The following HSD17B12 variants were observed in gnomAD, a reference collection of about 807,000 sequenced individuals.
The protein encoded by HSD17B12 is very-long-chain 3-oxoacyl-CoA reductase.
Under a neutral mutation model 39.3 loss-of-function variants are expected in HSD17B12, and 32 were observed. The ratio of observed to expected loss-of-function variants is 0.81; its 90% CI spans 0.61 to 1.09. The LOEUF (loss-of-function observed/expected upper bound fraction) is 1.09, where lower values mean the gene tolerates loss of function less well. Ranked by LOEUF, HSD17B12 falls within the 50% of genes least tolerant of loss-of-function variation. The probability of loss-of-function intolerance (pLI) is 0.00; values close to 1 mark genes in which losing one functional copy is unlikely to be tolerated. For missense variants in HSD17B12, 342 were observed against 382.9 expected (o/e 0.89, Z 0.89); for synonymous variants, 150 against 146.7 (o/e 1.02, Z -0.16).
chr11:43,800,439 T>C (rs1235667199), intron 4 of HSD17B12, among the ~76,000 whole-genome samples: 2 of 152,218 alleles, frequency 1.3e-5, no homozygotes, highest in Non-Finnish European at 2.9e-5. Flanking sequence ...ATGGAAACTA[T>C]AGATGCTCTG....
the HSD17B12 span, among the ~76,000 whole-genome samples, chr11:43,593,799 A>C: frequency 1.4e-4 from 21 of 152,140 alleles, no homozygotes; most frequent in African/African-American, 5.1e-4. Flanking sequence ...ATATAAAAAG[A>C]AAAAGGAAAG....
chr11:43,842,106 G>A (rs1951432433), intron 9 of HSD17B12, among the ~76,000 whole-genome samples: 1 of 152,132 alleles, frequency 6.6e-6, no homozygotes, highest in Non-Finnish European at 1.5e-5. Flanking sequence ...ACTTGCTCCA[G>A]GCCTGTAAGT....
At chr11:43,613,402 A>C in the HSD17B12 span, among the ~76,000 whole-genome samples, 2 of 151,484 alleles carry the variant, frequency 1.3e-5, no homozygotes, top group African/African-American at 2.4e-5. Context: ...AAAAAAAAAA[A>C]CAACAAAACA....
At chr11:43,602,075 C>G in the HSD17B12 span, among the ~76,000 whole-genome samples, 1 of 152,176 alleles carries the variant, frequency 6.6e-6, no homozygotes, top group Non-Finnish European at 1.5e-5. Context: ...GAAGGAGTTT[C>G]CATGAGGCAA....
chr11:43,655,231 C>T, the HSD17B12 span, among the ~76,000 whole-genome samples: 1 of 152,132 alleles, frequency 6.6e-6, no homozygotes, highest in African/African-American at 2.4e-5. Context: ...TATAAGAATG[C>T]TTGTGATTTT....
intron 3 of HSD17B12, among the ~76,000 whole-genome samples, chr11:43,794,430 A>G (rs1004731381): frequency 1.3e-5 from 2 of 152,234 alleles, no homozygotes; most frequent in African/African-American, 4.8e-5. Context: ...ACAGGTGAGG[A>G]TAAGCAATAA....
chr11:43,838,530 A>G, intron 8 of HSD17B12, 132 bp downstream of exon 8: 1 of 669,678 alleles, frequency 1.5e-6, no homozygotes. Context: ...AAGAAAAGGA[A>G]AATACCCTAC....
At chr11:43,801,273 T>C (rs1259451325) in intron 4 of HSD17B12, among the ~76,000 whole-genome samples, 1 of 152,128 alleles carries the variant, frequency 6.6e-6, no homozygotes, top group Non-Finnish European at 1.5e-5. Context: ...AATATGAGTA[T>C]GTGGGGGACA....
chr11:43,648,724 AT>A, the HSD17B12 span, among the ~76,000 whole-genome samples: 1 of 148,738 alleles, frequency 6.7e-6, no homozygotes, highest in Non-Finnish European at 1.5e-5. Flanking sequence ...GGATTTGAAA[AT>A]TTTTTTTGTT....
At chr11:43,818,685 G>A (rs1232936757) in intron 6 of HSD17B12, among the ~76,000 whole-genome samples, 1 of 152,024 alleles carries the variant, frequency 6.6e-6, no homozygotes, top group African/African-American at 2.4e-5. Flanking sequence ...GTTTAAGTGA[G>A]GTAAACTAAT....
At chr11:43,756,388 T>C (rs1358749670) in intron 3 of HSD17B12, among the ~76,000 whole-genome samples, 4 of 152,056 alleles carry the variant, frequency 2.6e-5, no homozygotes, top group Non-Finnish European at 5.9e-5. Context: ...ATTTTACAGT[T>C]TTGCTGAGGT....
intron 1 of HSD17B12, among the ~76,000 whole-genome samples, chr11:43,692,803 C>T (rs1172325568): frequency 1.3e-5 from 2 of 152,036 alleles, no homozygotes; most frequent in Non-Finnish European, 2.9e-5. Flanking sequence ...AGACTCTGGA[C>T]CAAATTCCCT....
the HSD17B12 span, among the ~76,000 whole-genome samples, chr11:43,594,680 A>C: frequency 2.0e-5 from 3 of 152,166 alleles, no homozygotes; most frequent in South Asian, 6.2e-4. Context: ...AAGAGCTCTC[A>C]TGCTCCTCCT....
At chr11:43,684,665 G>T (rs544162478) in intron 1 of HSD17B12, among the ~76,000 whole-genome samples, 2 of 152,322 alleles carry the variant, frequency 1.3e-5, no homozygotes, top group South Asian at 4.1e-4. Flanking sequence ...CCACTAATCA[G>T]TTAGTGAGTT....
the HSD17B12 span, among the ~76,000 whole-genome samples, chr11:43,561,186 C>A: frequency 3.3e-5 from 5 of 152,158 alleles, no homozygotes; most frequent in African/African-American, 1.2e-4. Flanking sequence ...TAGGTTTCAC[C>A]ACCTGAAAGT....
At chr11:43,612,725 G>A in the HSD17B12 span, among the ~76,000 whole-genome samples, 1 of 152,202 alleles carries the variant, frequency 6.6e-6, no homozygotes, top group Non-Finnish European at 1.5e-5. Context: ...TGATGCATAA[G>A]AAAATGACAG....
intron 9 of HSD17B12, among the ~76,000 whole-genome samples, chr11:43,842,400 C>T (rs1029503715): frequency 3.9e-5 from 6 of 152,166 alleles, no homozygotes; most frequent in African/African-American, 1.2e-4. Flanking sequence ...AGCTTTCATC[C>T]AAGGGAAGCT....
chr11:43,666,015 C>T, the HSD17B12 span, among the ~76,000 whole-genome samples: 62 of 152,200 alleles, frequency 4.1e-4, no homozygotes, highest in Admixed American at 6.5e-5. Context: ...TAACCACAGA[C>T]TCAGGTGCAT....
chr11:43,571,193 C>G, the HSD17B12 span, among the ~76,000 whole-genome samples: 1 of 152,234 alleles, frequency 6.6e-6, no homozygotes, highest in African/African-American at 2.4e-5. Context: ...AGCTATCTCT[C>G]TGCCTGCTGA....
Sources: allele counts gnomAD v4.1 joint callset (sites outside exome capture counted in the v4.1 genomes callset), GRCh38; gene constraint gnomAD v4.1.1; transcripts MANE v1.5; gene names NCBI Gene and HGNC (gene_info 2026-07-23, HGNC 2026-07-21).